TRAF7: variants seen among roughly 807,000 people sequenced by gnomAD.
TRAF7 encodes the protein TNF receptor associated factor 7, also known as E3 ubiquitin-protein ligase TRAF7.
Under a neutral mutation model 89.3 loss-of-function variants are expected in TRAF7, and 45 were observed. The ratio of observed to expected loss-of-function variants is 0.50; its 90% CI spans 0.40 to 0.65. The LOEUF (loss-of-function observed/expected upper bound fraction) is 0.65. TRAF7 is among the 30% of genes least tolerant of loss of function. TRAF7 has a pLI of 0.00. For missense variants in TRAF7, 677 were observed against 918.1 expected, an observed-to-expected ratio of 0.74 and a Z score of 3.39; for synonymous variants, 406 against 369.2, an observed-to-expected ratio of 1.10 and a Z score of -1.14.
chr16:2,168,467 A>C lies in TRAF7; in HGVS notation c.231+299A>C. On this transcript the variant is annotated intron_variant, in intron 4 of 20. Coordinates refer to ENST00000326181, the MANE Select transcript of TRAF7 (RefSeq NM_032271.3). The surrounding 1 kb of genome is among the most constrained non-coding windows in gnomAD (Gnocchi z 4.1). ...TCTTAAGGGAGGTGGAAACCACAGA[A>C]AGTTCAGTCAGGAGGATAGCACAAT... 1 of 362,498 alleles carries C rather than the reference A, an allele frequency of 2.8e-6. No individual in the cohort carries two copies. Among genetic ancestry groups the C allele is most frequent in the Non-Finnish European group, 5.1e-6 (1 of 194,838 alleles). The allele number at this position is 362,498 out of a possible 1,614,324, so 22.5% of individuals were successfully genotyped here. A position where few individuals can be genotyped will look rare whatever the true frequency, so the allele number is the denominator to read the frequency against.
In TRAF7 at chr16:2,164,161, C is replaced by CGTGTGTGTGT. The variant is rs1567247308; in HGVS notation, c.81+161_81+162insTGTGTGTGTG. On this transcript the variant is annotated intron_variant, in intron 2 of 20. Transcript: ENST00000326181. ...TGTGGTGTGTGTGTGTGTGTGTGTG[C>CGTGTGTGTGT]GCGCGCGCGCGCGCGCGCGCACGCG... Among the ~76,000 whole-genome samples, 60 of 67,638 alleles carry CGTGTGTGTGT rather than the reference C, an allele frequency of 8.9e-4. 1 individual carries two copies. The South Asian group carries it at 0.028, about 32-fold the overall frequency. 44.4% of individuals were successfully genotyped at this position (67,638 alleles called of 152,430 possible).
intron 2 of TRAF7, among the ~76,000 whole-genome samples, 158 bp downstream of exon 2, chr16:2,164,159 T>TGTGCGC (rs879079517): frequency 4.4e-4 from 56 of 126,134 alleles, no homozygotes; most frequent in East Asian, 2.9e-3. Context: ...TGTGTGTGTG[T>TGTGCGC]GCGCGCGCGC....
Position 2,175,931 on chromosome 16 carries a change from G to A in TRAF7, c.1724G>A (p.Gly575Asp), listed in dbSNP as rs2141297688. 2 of 1,613,392 alleles carry A rather than the reference G, an allele frequency of 1.2e-6. No homozygotes were observed. Among genetic ancestry groups the A allele is most frequent in the Non-Finnish European group, 1.7e-6 (2 of 1,179,986 alleles). The change falls in exon 18 of 21, where the codon GGC becomes GAC. Residue 575 changes from glycine to aspartate, a missense_variant. Gly to Asp is a moderately conservative substitution (Grantham distance 94, BLOSUM62 -1). This residue lies in a region of TRAF7 where 160 missense variants were observed against 263.7 expected (regional missense o/e 0.61). Transcript: ENST00000326181. The part of the protein sequence containing the change: ...IAVTNHHIVC[G>D]TYENLIHVWD... ...GTGACAAATCACCACATTGTCTGTG[G>A]CACCTACGAGAACCTCATCCACGTA...
At position 2,163,164 on chromosome 16, in the gene TRAF7, G is replaced by C. The variant is rs1385589231; in HGVS notation, c.-38-719G>C. Among the ~76,000 whole-genome samples the C allele has an allele frequency of 1.3e-5, 2 of 152,134 alleles. No individual in the cohort carries two copies. Among genetic ancestry groups the C allele is most frequent in the Non-Finnish European group, 2.9e-5 (2 of 68,002 alleles). On this transcript the variant is annotated intron_variant, in intron 1 of 20. Transcript: ENST00000326181. The surrounding 1 kb of genome is among the most constrained non-coding windows in gnomAD (Gnocchi z 4.3). Reference sequence around the variant, plus strand: ...CAGGCCCACCAGCCCCTCTCTTCTGGGGAGGGTGATTCCCGCATGCCTTCT... The same window carrying C: ...CAGGCCCACCAGCCCCTCTCTTCTGCGGAGGGTGATTCCCGCATGCCTTCT...
intron 9 of TRAF7, 112 bp downstream of exon 9, chr16:2,172,711 A>T: frequency 7.7e-7 from 1 of 1,303,434 alleles, no homozygotes. Context: ...CTGGGGCCAC[A>T]CCGGGGTCTG....
Position 2,162,123 on chromosome 16 carries a change from C to T in TRAF7, c.-38-1760C>T, listed in dbSNP as rs1386223808. Among the ~76,000 whole-genome samples the T allele has an allele frequency of 6.6e-6, 1 of 152,230 alleles. No homozygotes were observed. The highest frequency in any genetic ancestry group is 2.4e-5 in the African/African-American group (1 of 41,462). ...TCAGGTGGGGCCAGGTAGCTCGTGG[C>T]GCTGCCAACTGCAGGGGCTGAGATG... On this transcript the variant is annotated intron_variant, in intron 1 of 20. Coordinates refer to ENST00000326181, the MANE Select transcript of TRAF7 (RefSeq NM_032271.3). This position sits in a 1 kb window ranked among gnomAD's most constrained non-coding sequence, Gnocchi z 5.0.
chr16:2,174,442 C>A, intron 14 of TRAF7, 109 bp downstream of exon 14: 1 of 1,090,532 alleles, frequency 9.2e-7, no homozygotes, highest in Non-Finnish European at 1.3e-6. Flanking sequence ...ATGTGTGTGC[C>A]CCACCTATAG....
Position 2,173,402 on chromosome 16 carries a change from G to A in TRAF7, c.1012+3G>A. 6.2e-7 allele frequency: 1 copy of A among 1,613,158 alleles called. No homozygotes were observed. The highest frequency in any genetic ancestry group is 8.5e-7 in the Non-Finnish European group (1 of 1,179,700). Reference sequence around the variant, plus strand: ...GAAGAGCCTGGAGCTCAAGTTTGGTGAGGGTGGGCACCGGGGCAGGCAGGG... The same window carrying A: ...GAAGAGCCTGGAGCTCAAGTTTGGTAAGGGTGGGCACCGGGGCAGGCAGGG... On this transcript the variant is annotated splice_donor_region_variant and intron_variant, in intron 10 of 20. Coordinates refer to ENST00000326181, the MANE Select transcript of TRAF7 (RefSeq NM_032271.3).
At position 2,161,816 on chromosome 16, in the gene TRAF7, T is replaced by G. The variant is rs903502079; in HGVS notation, c.-38-2067T>G. Among the ~76,000 whole-genome samples the G allele has an allele frequency of 1.6e-4, 24 of 152,198 alleles. No homozygotes were observed. The highest frequency in any genetic ancestry group is 5.1e-4 in the African/African-American group (21 of 41,464). On this transcript the variant is annotated intron_variant, in intron 1 of 20. Coordinates refer to ENST00000326181, the MANE Select transcript of TRAF7 (RefSeq NM_032271.3). The surrounding 1 kb of genome is among the most constrained non-coding windows in gnomAD (Gnocchi z 5.2). ...CCTGGCCAGCTCTCCCCGACCTTCC[T>G]GCCGGGAGCTGCTGGAGACGGGATA...
rs147994013 is a variant in TRAF7 at position 2,174,802 on chromosome 16, G to A, written c.1347-309G>A. Among the ~76,000 whole-genome samples the A allele has an allele frequency of 1.5e-3, 226 of 152,340 alleles. 1 individual carries two copies. Among genetic ancestry groups the A allele is most frequent in the African/African-American group, 3.5e-3 (144 of 41,570 alleles). ...GTAAGCGTGTGCGTGAGAGATGCTCGCTTTCAGGAGGCGGCAGCTTGACTG... is the reference window on the plus strand; with the variant it reads ...GTAAGCGTGTGCGTGAGAGATGCTCACTTTCAGGAGGCGGCAGCTTGACTG... On this transcript the variant is annotated intron_variant, in intron 14 of 20. Coordinates refer to ENST00000326181, the MANE Select transcript of TRAF7 (RefSeq NM_032271.3).
rs1206877683 is a variant in TRAF7, at chr16:2,157,821, A to ACT, written c.-39+1966_-39+1967dup. ...CCGTGGACGAAGCAGAAGGAATGTG[A>ACT]CTCTGGTCACAGCGGCACAGCCTGC... is the stretch of plus-strand genomic sequence containing the variant. On this transcript the variant is annotated intron_variant, in intron 1 of 20. Transcript: ENST00000326181. Among the ~76,000 whole-genome samples, 12 of 151,346 alleles carry ACT rather than the reference A, an allele frequency of 7.9e-5. No homozygotes were observed. The South Asian group carries it at 2.5e-3, about 32-fold the overall frequency.
intron 12 of TRAF7, 21 bp downstream of exon 12, chr16:2,173,857 G>T: frequency 1.2e-6 from 2 of 1,607,512 alleles, no homozygotes; most frequent in South Asian, 2.2e-5. Flanking sequence ...ACCCGCCGTG[G>T]CTCCCGCCCA....
At chr16:2,167,122 G>A (rs1238302233) in intron 3 of TRAF7, among the ~76,000 whole-genome samples, 3 of 151,946 alleles carry the variant, frequency 2.0e-5, no homozygotes, top group African/African-American at 4.8e-5. Flanking sequence ...CCCAAAAAAC[G>A]GTGCCTTTTC....
At position 2,175,831 on chromosome 16, in the gene TRAF7, T is replaced by C. The variant is rs757428443; in HGVS notation, c.1627-3T>C. ...GGACCAACTGGCCCACGATTACTCA[T>C]AGATCTGGGACATCCGAACCCTTGA... On this transcript the variant is annotated splice_polypyrimidine_tract_variant and splice_region_variant and intron_variant, in intron 17 of 20. Transcript: ENST00000326181. The C allele has an allele frequency of 6.2e-7, 1 of 1,613,018 alleles. No individual in the cohort carries two copies.
chr16:2,164,167 C>CGCGCGCGCGCGCGCACGCGT (rs1381743802), intron 2 of TRAF7, among the ~76,000 whole-genome samples, 166 bp downstream of exon 2: 5 of 105,666 alleles, frequency 4.7e-5, no homozygotes, highest in Non-Finnish European at 9.7e-5. Context: ...TGTGCGCGCG[C>CGCGCGCGCGCGCGCACGCGT]GCGCGCGCGC....
Position 2,177,111 on chromosome 16 carries a change from C to T in TRAF7, c.*537C>T, listed in dbSNP as rs2093140471. On this transcript the variant is annotated 3_prime_UTR_variant, in exon 21 of 21. Transcript: ENST00000326181. ...CTCCCTGCTAGGAGGCAACTCGTCA[C>T]ACCCAAGCTGCTGGCCTCCAGTCCC... 3.7e-6 allele frequency: 1 copy of T among 268,506 alleles called. No individual in the cohort carries two copies. The highest frequency in any genetic ancestry group is 1.1e-3 in the Middle Eastern group (1 of 896). The allele number at this position is 268,506 out of a possible 1,614,324, so 16.6% of individuals were successfully genotyped here.
chr16:2,164,129 G>C (rs914279109), intron 2 of TRAF7, 128 bp downstream of exon 2: 34 of 733,674 alleles, frequency 4.6e-5, no homozygotes, highest in African/African-American at 3.7e-4. Context: ...AGCTCGGTGG[G>C]GGGGGGTGTG....
Position 2,171,367 on chromosome 16 carries a change from C to A in TRAF7, c.441+11C>A. ...ATCACCACGTGTGGGGTGAGCCCGCCGCCCTTCCCAGCCCCCCTGCTGCCA... is the reference window on the plus strand; with the variant it reads ...ATCACCACGTGTGGGGTGAGCCCGCAGCCCTTCCCAGCCCCCCTGCTGCCA... On this transcript the variant is annotated intron_variant, in intron 6 of 20. Transcript: ENST00000326181. 6.5e-7 allele frequency: 1 copy of A among 1,547,038 alleles called. No individual in the cohort carries two copies.
rs771233423 is a variant in TRAF7 at position 2,172,250 on chromosome 16, G to T, written c.535G>T (p.Glu179Ter). ...TVVVNNIAVAEQIGELFIHCR... is the reference protein window; with the variant it reads ...TVVVNNIAVA The stretch of plus-strand genomic sequence containing the variant: ...GGTGGTGAACAACATCGCGGTGGCC[G>T]AGCAGATCGGGGAGCTCTTCATCCA... Residue 179 changes from glutamate (E) to a stop codon, truncating the protein, a stop_gained, in exon 8 of 21, where the codon GAG (glutamate) becomes TAG (stop). Coordinates refer to ENST00000326181, the MANE Select transcript of TRAF7 (RefSeq NM_032271.3). LOFTEE classifies it high-confidence loss of function. 2 of 1,613,032 alleles carry T rather than the reference G, an allele frequency of 1.2e-6. No homozygotes were observed. The highest frequency in any genetic ancestry group is 3.3e-5 in the Admixed American group (2 of 60,026).
Sources: gnomAD v4.1 joint callset for allele counts (sites outside exome capture counted in the v4.1 genomes callset) on GRCh38, gnomAD v4.1.1 for gene constraint, gnomAD v4.1.1 regional missense constraint, Gnocchi (gnomAD v3.1) non-coding constraint, MANE v1.5 for transcripts, NCBI Gene and HGNC (gene_info 2026-07-23, HGNC 2026-07-21) for gene names.